The following UVSSA variants were observed in gnomAD, a reference collection of about 807,000 sequenced individuals.
UVSSA encodes UV stimulated scaffold protein A.
UVSSA carries 72 observed loss-of-function variants against 73.9 expected under a neutral mutation model. That is an observed-to-expected ratio of 0.97 (90% CI 0.81 to 1.19). UVSSA has a LOEUF of 1.19. UVSSA is among the 50% of genes most tolerant of loss of function. The pLI, the probability that UVSSA is intolerant of heterozygous loss-of-function variation, is 0.00. For synonymous variants in UVSSA, 454 were observed against 391.3 expected, an observed-to-expected ratio of 1.16 and a Z score of -1.89; for missense variants, 1,150 against 965.0, an observed-to-expected ratio of 1.19 and a Z score of -2.54.
upstream of UVSSA, among the ~76,000 whole-genome samples, chr4:1,342,168 C>A (rs920853304): frequency 1.3e-5 from 2 of 152,140 alleles, no homozygotes; most frequent in African/African-American, 2.4e-5. Flanking sequence ...TTTAACTGTA[C>A]CACAACTGCC....
At position 1,375,402 on chromosome 4, in the gene UVSSA, T is replaced by G; in HGVS notation, c.1327T>G (p.Cys443Gly). ...ACCAGAGAAAGACACAGTTGTGCGG[T>G]GCTTGCGGACGAGGACGAGGATGGA... ...AAPEKDTVVR[C>G]LRTRTRMDEE... The change falls in exon 9 of 14, where the codon TGC becomes GGC. Residue 443 changes from cysteine (C) to glycine (G), a missense_variant. Coordinates refer to ENST00000389851, the MANE Select transcript of UVSSA (RefSeq NM_020894.4). 1 of 1,613,590 alleles carries G rather than the reference T, an allele frequency of 6.2e-7. No individual in the cohort carries two copies. The highest frequency in any genetic ancestry group is 1.6e-4 in the Middle Eastern group (1 of 6,062).
upstream of UVSSA, among the ~76,000 whole-genome samples, chr4:1,343,142 A>G (rs1254400676): frequency 1.3e-5 from 2 of 152,096 alleles, no homozygotes; most frequent in Admixed American, 1.3e-4. Flanking sequence ...GGTTTAAACA[A>G]TGGACATTTA....
chr4:1,359,411 CT>C (rs1248399457), intron 7 of UVSSA: 1 of 152,248 alleles, frequency 6.6e-6, no homozygotes, highest in African/African-American at 2.4e-5. Context: ...TAAAAATCCT[CT>C]GGAAACTTTC....
At chr4:1,346,291 G>A (rs1713671891), upstream of UVSSA, among the ~76,000 whole-genome samples, 1 of 152,054 alleles carries the variant, frequency 6.6e-6, no homozygotes, top group Non-Finnish European at 1.5e-5. Flanking sequence ...CCGGCCCGCC[G>A]CCGGCGGCCC....
At chr4:1,367,086 C>A (rs79947921) in intron 8 of UVSSA, among the ~76,000 whole-genome samples, 4,810 of 152,294 alleles carry the variant, frequency 0.032, 264 homozygotes, top group African/African-American at 0.11. Context: ...GCCACAGCCT[C>A]GGGTCTGGGC....
rs534664618 is a variant in UVSSA, at chr4:1,367,594, C to A, written c.1288+1163C>A. The stretch of plus-strand genomic sequence containing the variant: ...CCAGGGAGGGCCCAGGCTGGGAAGG[C>A]TGAGCTCCTGGGGTCAGTGTGAGCT... On this transcript the variant is annotated intron_variant, in intron 8 of 13. Transcript: ENST00000389851. 7.2e-5 allele frequency among the ~76,000 whole-genome samples: 11 copies of A among 152,216 alleles called. No individual in the cohort carries two copies. The East Asian group carries it at 2.1e-3, about 29-fold the overall frequency.
intron 2 of UVSSA, 33 bp from the exon 3 acceptor site, chr4:1,349,491 G>A (rs371437157): frequency 3.1e-6 from 5 of 1,598,350 alleles, no homozygotes; most frequent in South Asian, 2.2e-5. Flanking sequence ...TCTGCGTGTG[G>A]GGCAGTTGGG....
chr4:1,373,304 G>C (rs1718362785), intron 8 of UVSSA, among the ~76,000 whole-genome samples: 2 of 152,176 alleles, frequency 1.3e-5, no homozygotes, highest in African/African-American at 4.8e-5. Flanking sequence ...TGATGTTCGA[G>C]GGCAGGAAGC....
At chr4:1,361,720 A>G (rs1324705537) in intron 7 of UVSSA, among the ~76,000 whole-genome samples, 1 of 152,390 alleles carries the variant, frequency 6.6e-6, no homozygotes, top group Non-Finnish European at 1.5e-5. Context: ...AGCAGATGCA[A>G]TGACGACCAT....
chr4:1,386,822 A>G lies in UVSSA; in HGVS notation c.*861A>G, dbSNP rs576159406. On this transcript the variant is annotated 3_prime_UTR_variant, in exon 14 of 14. Transcript: ENST00000389851. The stretch of plus-strand genomic sequence containing the variant: ...AGCCTCAAACTCCTGGGCTCAAGCC[A>G]TCCTTCCACGTCAGCCTCCCAGGTA... 9 of 152,024 alleles carry G rather than the reference A, an allele frequency of 5.9e-5. No homozygotes were observed. Among genetic ancestry groups the G allele is most frequent in the African/African-American group, 1.9e-4 (8 of 41,450 alleles). The allele number at this position is 152,024 out of a possible 1,614,324, so 9.4% of individuals were successfully genotyped here. A position where few individuals can be genotyped will look rare whatever the true frequency, so the allele number is the denominator to read the frequency against.
At chr4:1,394,160 G>A (rs563739868) in exon 14 of UVSSA, 108 of 412,478 alleles carry the variant, frequency 2.6e-4, no homozygotes, top group African/African-American at 7.3e-4. Flanking sequence ...GGTTCCTCTC[G>A]GGCACACACA....
chr4:1,369,478 C>A (rs1048692364), intron 8 of UVSSA, among the ~76,000 whole-genome samples: 3 of 152,270 alleles, frequency 2.0e-5, no homozygotes, highest in Admixed American at 2.0e-4. Flanking sequence ...GTGGGCGAAT[C>A]TGAAGTAGTT....
intron 8 of UVSSA, among the ~76,000 whole-genome samples, chr4:1,374,525 G>A (rs960732230): frequency 3.9e-5 from 6 of 152,208 alleles, no homozygotes; most frequent in Non-Finnish European, 8.8e-5. Context: ...GTGCACGCTG[G>A]GCTGCGGAGG....
chr4:1,376,620 G>T (rs2109272682), intron 10 of UVSSA, among the ~76,000 whole-genome samples: 1 of 152,298 alleles, frequency 6.6e-6, no homozygotes, highest in Non-Finnish European at 1.5e-5. Flanking sequence ...CACCCTCCCT[G>T]CCCACTTTCC....
chr4:1,379,943 C>G, intron 10 of UVSSA, 104 bp from the exon 11 acceptor site: 1 of 1,361,300 alleles, frequency 7.3e-7, no homozygotes, highest in South Asian at 1.4e-5. Context: ...GTTGGGGTGG[C>G]TGGGCTGCAG....
chr4:1,350,867 T>G (rs1714611406), intron 3 of UVSSA, among the ~76,000 whole-genome samples: 1 of 152,206 alleles, frequency 6.6e-6, no homozygotes, highest in Non-Finnish European at 1.5e-5. Flanking sequence ...TTTATCTTCC[T>G]CACATTCTGT....
chr4:1,353,312 G>T lies in UVSSA; in HGVS notation c.833G>T (p.Gly278Val), dbSNP rs1227822691. Residue 278 changes from glycine to valine, a missense_variant, in exon 5 of 14, where the codon GGT (glycine) becomes GTT (valine). Transcript: ENST00000389851. ...GGAQPSQTAT[G>V]DPSDEDEDSD... Reference sequence around the variant, plus strand: ...GCACAGCCATCCCAGACAGCCACAGGTGACCCCTCAGATGAGGACGAGGAC... The same window carrying T: ...GCACAGCCATCCCAGACAGCCACAGTTGACCCCTCAGATGAGGACGAGGAC... 2 of 1,611,610 alleles carry T rather than the reference G, an allele frequency of 1.2e-6. No individual in the cohort carries two copies. Among genetic ancestry groups the T allele is most frequent in the Non-Finnish European group, 8.5e-7 (1 of 1,179,868 alleles).
intron 7 of UVSSA, among the ~76,000 whole-genome samples, chr4:1,358,783 C>A (rs1331538223): frequency 6.6e-6 from 1 of 152,254 alleles, no homozygotes; most frequent in African/African-American, 2.4e-5. Context: ...TAAATCACTT[C>A]CCTCCGTGTC....
rs1560428861 is a variant in UVSSA, at chr4:1,353,234, G to GCTGCAGTAGAGAC, written c.760_772dup (p.Pro258GlnfsTer2). 6.2e-7 allele frequency: 1 copy of GCTGCAGTAGAGAC among 1,612,004 alleles called. No individual in the cohort carries two copies. Among genetic ancestry groups the GCTGCAGTAGAGAC allele is most frequent in the Admixed American group, 1.7e-5 (1 of 59,990 alleles). On this transcript the variant is annotated frameshift_variant, in exon 5 of 14. Coordinates refer to ENST00000389851, the MANE Select transcript of UVSSA (RefSeq NM_020894.4). LOFTEE classifies it high-confidence loss of function. Reference sequence around the variant, plus strand: ...GACCCCCGGGACGGGGAGCAGCCCTGCTGCAGTAGAGACCTGCCTGCCTCT... The same window carrying GCTGCAGTAGAGAC: ...GACCCCCGGGACGGGGAGCAGCCCTGCTGCAGTAGAGACCTGCAGTAGAGACCTGCCTGCCTCT...
Sources: allele counts gnomAD v4.1 joint callset (sites outside exome capture counted in the v4.1 genomes callset), GRCh38; gene constraint gnomAD v4.1.1; transcripts MANE v1.5; gene names NCBI Gene and HGNC (gene_info 2026-07-23, HGNC 2026-07-21).